Variants in SYNDIG1 observed in about 807,000 individuals in gnomAD.
SYNDIG1 encodes the protein synapse differentiation-inducing gene protein 1.
A neutral mutation model predicts 19.4 loss-of-function variants in SYNDIG1; 9 were observed. That is an observed-to-expected ratio of 0.46 (90% CI 0.28 to 0.81). The LOEUF is 0.81. Ranked by LOEUF, SYNDIG1 falls within the 30% of genes least tolerant of loss-of-function variation. The pLI is 0.12. For synonymous variants in SYNDIG1, 141 were observed against 145.9 expected (o/e 0.97, Z 0.24); for missense variants, 311 against 343.3 (o/e 0.91, Z 0.74).
intron 2 of SYNDIG1, among the ~76,000 whole-genome samples, chr20:24,581,296 T>C (rs531555769): frequency 1.3e-5 from 2 of 152,274 alleles, no homozygotes; most frequent in African/African-American, 2.4e-5. Context: ...ACAATGAAGA[T>C]AGTAATAACA....
In SYNDIG1 at chr20:24,589,036, C is replaced by G. The variant is rs916003292; in HGVS notation, c.618+4043C>G. Among the ~76,000 whole-genome samples the G allele has an allele frequency of 7.9e-5, 12 of 152,240 alleles. 1 individual carries two copies. In the South Asian group the frequency reaches 2.3e-3, roughly 29 times the overall value. On this transcript the variant is annotated intron_variant, in intron 3 of 3. Transcript: ENST00000376862. ...TTTTGCCCAACAATGTTCCATCCAG[C>G]CCCCATTGCAAGCACGCTTTGTAAA...
chr20:24,514,696 G>A (rs1033266352), intron 1 of SYNDIG1, among the ~76,000 whole-genome samples: 1 of 152,174 alleles, frequency 6.6e-6, no homozygotes, highest in African/African-American at 2.4e-5. Flanking sequence ...ACACTCCACT[G>A]TCAACATTAG....
intron 3 of SYNDIG1, among the ~76,000 whole-genome samples, chr20:24,645,795 C>A (rs2059417501): frequency 6.6e-6 from 1 of 152,170 alleles, no homozygotes; most frequent in South Asian, 2.1e-4. Context: ...AAATGCTCAG[C>A]AAATCATTTG....
chr20:24,520,013 C>T (rs2056971831), intron 1 of SYNDIG1, among the ~76,000 whole-genome samples: 1 of 152,114 alleles, frequency 6.6e-6, no homozygotes, highest in Admixed American at 6.5e-5. Context: ...TGCATTTCTC[C>T]AATTCTAGGA....
Position 24,572,587 on chromosome 20 carries a change from G to A in SYNDIG1, c.481-12269G>A, listed in dbSNP as rs555511077. ...GAGTAAGGTGGTTCTCATTCAAGCC[G>A]AAGAAGCTTCTGGTGCCCTTGGGTG... On this transcript the variant is annotated intron_variant, in intron 2 of 3. Transcript: ENST00000376862. Among the ~76,000 whole-genome samples the A allele has an allele frequency of 2.1e-3, 317 of 152,292 alleles. 4 individuals carry two copies. Among genetic ancestry groups the A allele is most frequent in the Non-Finnish European group, 1.6e-3 (110 of 68,028 alleles).
chr20:24,509,256 C>A (rs2056682013), intron 1 of SYNDIG1, among the ~76,000 whole-genome samples: 1 of 152,214 alleles, frequency 6.6e-6, no homozygotes, highest in South Asian at 2.1e-4. Flanking sequence ...TAAAATAATT[C>A]TGGAGCTCCA....
intron 3 of SYNDIG1, among the ~76,000 whole-genome samples, chr20:24,648,836 G>A (rs528631704): frequency 6.6e-6 from 1 of 152,368 alleles, no homozygotes; most frequent in South Asian, 2.1e-4. Context: ...GGAGGCCGGC[G>A]TCTGCAGAGG....
intron 1 of SYNDIG1, among the ~76,000 whole-genome samples, chr20:24,508,075 A>C (rs1306918781): frequency 6.6e-6 from 1 of 152,214 alleles, no homozygotes; most frequent in African/African-American, 2.4e-5. Context: ...TCTTAAAAGC[A>C]TAAACCAATA....
intron 1 of SYNDIG1, among the ~76,000 whole-genome samples, chr20:24,496,286 A>G (rs2056304336): frequency 6.6e-6 from 1 of 152,164 alleles, no homozygotes; most frequent in Non-Finnish European, 1.5e-5. Flanking sequence ...ATGGGACCGC[A>G]CTGAATCTAT....
chr20:24,628,055 G>T (rs2059181663), intron 3 of SYNDIG1, among the ~76,000 whole-genome samples: 1 of 152,222 alleles, frequency 6.6e-6, no homozygotes, highest in Non-Finnish European at 1.5e-5. Flanking sequence ...AGGAGCACAG[G>T]ATGGTCCCCC....
At chr20:24,526,717 C>T (rs1236980026) in intron 1 of SYNDIG1, among the ~76,000 whole-genome samples, 1 of 152,148 alleles carries the variant, frequency 6.6e-6, no homozygotes. Flanking sequence ...AAAGTGCATC[C>T]TTTAGAATTC....
intron 3 of SYNDIG1, among the ~76,000 whole-genome samples, chr20:24,633,937 T>A (rs1363156795): frequency 1.3e-5 from 2 of 152,208 alleles, no homozygotes. Flanking sequence ...GTCACCTGCA[T>A]CCGCCAAACT....
intron 1 of SYNDIG1, among the ~76,000 whole-genome samples, chr20:24,497,667 G>A (rs978962249): frequency 6.6e-6 from 1 of 152,128 alleles, no homozygotes; most frequent in Non-Finnish European, 1.5e-5. Context: ...ATTTCTTCAC[G>A]AACCTGGGGT....
At chr20:24,618,558 C>T (rs1215454985) in intron 3 of SYNDIG1, among the ~76,000 whole-genome samples, 1 of 152,182 alleles carries the variant, frequency 6.6e-6, no homozygotes, top group African/African-American at 2.4e-5. Flanking sequence ...CTCCTCTATA[C>T]TCCGAGGAAA....
intron 3 of SYNDIG1, among the ~76,000 whole-genome samples, chr20:24,628,500 T>C (rs945438509): frequency 3.9e-5 from 6 of 152,240 alleles, no homozygotes; most frequent in Non-Finnish European, 7.3e-5. Flanking sequence ...AGAAGGTCAC[T>C]ATTACTGACT....
intron 3 of SYNDIG1, among the ~76,000 whole-genome samples, chr20:24,644,099 G>C (rs1568712410): frequency 6.6e-6 from 1 of 152,202 alleles, no homozygotes; most frequent in Non-Finnish European, 1.5e-5. Flanking sequence ...GGGAACTTGG[G>C]AGAAAAATCA....
At chr20:24,665,131 C>T (rs1187219758) in intron 3 of SYNDIG1, among the ~76,000 whole-genome samples, 2 of 152,128 alleles carry the variant, frequency 1.3e-5, no homozygotes, top group African/African-American at 2.4e-5. Context: ...GTCTTCCCTG[C>T]GGTGTGGGGG....
At chr20:24,625,601 A>C (rs1026273867) in intron 3 of SYNDIG1, among the ~76,000 whole-genome samples, 1 of 151,972 alleles carries the variant, frequency 6.6e-6, no homozygotes, top group African/African-American at 2.4e-5. Flanking sequence ...TCTGTTTAAC[A>C]AAGCACATCT....
chr20:24,491,451 G>A (rs912030616), intron 1 of SYNDIG1: 19 of 152,304 alleles, frequency 1.2e-4, no homozygotes, highest in African/African-American at 4.1e-4. Context: ...TTGCCTTGAT[G>A]TTATTAGCTC....
Sources: allele counts gnomAD v4.1 joint callset (sites outside exome capture counted in the v4.1 genomes callset), GRCh38; gene constraint gnomAD v4.1.1; transcripts MANE v1.5; gene names NCBI Gene and HGNC (gene_info 2026-07-23, HGNC 2026-07-21).